The following BLM variants were observed in gnomAD, a reference collection of about 807,000 sequenced individuals.
BLM encodes the protein recQ-like DNA helicase BLM.
A neutral mutation model predicts 135.3 loss-of-function variants in BLM; 95 were observed. That is an observed-to-expected ratio of 0.70 (90% CI 0.59 to 0.83). The LOEUF (loss-of-function observed/expected upper bound fraction) is 0.83, where lower values mean the gene tolerates loss of function less well. Among genes scored for constraint, BLM ranks in the 40% least tolerant of loss-of-function variants. The probability of loss-of-function intolerance (pLI) is 0.00; values close to 1 mark genes in which losing one functional copy is unlikely to be tolerated. For missense variants in BLM, 1,518 were observed against 1,663.9 expected (o/e 0.91, Z 1.53); for synonymous variants, 520 against 589.2 (o/e 0.88, Z 1.70).
intron 18 of BLM, 42 bp from the exon 19 acceptor site, chr15:90,804,125 G>A (rs780903418): frequency 6.4e-7 from 1 of 1,561,144 alleles, no homozygotes; most frequent in South Asian, 1.1e-5. Context: ...GGGTACAAGT[G>A]CACATATACC....
chr15:90,756,514 C>T (rs528568047), intron 5 of BLM, among the ~76,000 whole-genome samples: 1 of 152,320 alleles, frequency 6.6e-6, no homozygotes, highest in Non-Finnish European at 1.5e-5. Flanking sequence ...AGGATCTGAA[C>T]ACAGCAGTCT....
rs564509750 is a variant in BLM at position 90,731,778 on chromosome 15, A to G, written c.-5+14338A>G. On this transcript the variant is annotated intron_variant, in intron 1 of 21. Transcript: ENST00000355112. ...CAAACTTGGTTTATTGATCCTCTCT[A>G]TTATATATCTATTATTTTTTACTCT... Among the ~76,000 whole-genome samples, 21 of 151,936 alleles carry G rather than the reference A, an allele frequency of 1.4e-4. No individual in the cohort carries two copies. In the East Asian group the frequency reaches 4.0e-3, roughly 29 times the overall value.
intron 21 of BLM, among the ~76,000 whole-genome samples, chr15:90,813,695 G>A (rs1031238093): frequency 2.6e-5 from 4 of 152,282 alleles, no homozygotes; most frequent in African/African-American, 9.6e-5. Context: ...GCCAAGATGG[G>A]ATTCTTTTTT....
chr15:90,793,265 G>C (rs567117427), intron 15 of BLM, among the ~76,000 whole-genome samples: 1 of 151,562 alleles, frequency 6.6e-6, no homozygotes, highest in South Asian at 2.1e-4. Context: ...CTCCCGACTA[G>C]CAGGGATTAC....
chr15:90,790,966 T>A (rs1896893452), intron 15 of BLM, 122 bp downstream of exon 15: 13 of 957,358 alleles, frequency 1.4e-5, no homozygotes, highest in Non-Finnish European at 1.7e-5. Flanking sequence ...AATAGAGGAG[T>A]TTATACAGAT....
intron 1 of BLM, among the ~76,000 whole-genome samples, chr15:90,745,178 G>C (rs1430156110): frequency 1.3e-5 from 2 of 152,142 alleles, no homozygotes; most frequent in Non-Finnish European, 2.9e-5. Context: ...ATAAGGTTAA[G>C]TCATAAGGAC....
At chr15:90,738,131 C>A (rs762981177) in intron 1 of BLM, among the ~76,000 whole-genome samples, 1 of 151,746 alleles carries the variant, frequency 6.6e-6, no homozygotes, top group African/African-American at 2.4e-5. Flanking sequence ...CTGAACAGAC[C>A]TATAACTAGT....
chr15:90,757,777 A>G (rs1211503602), intron 5 of BLM, among the ~76,000 whole-genome samples: 1 of 152,018 alleles, frequency 6.6e-6, no homozygotes, highest in Non-Finnish European at 1.5e-5. Flanking sequence ...GAGGATATGT[A>G]CTGTTTCCCC....
intron 21 of BLM, among the ~76,000 whole-genome samples, chr15:90,812,542 G>A (rs1897449089): frequency 6.6e-6 from 1 of 152,192 alleles, no homozygotes; most frequent in African/African-American, 2.4e-5. Flanking sequence ...TGGCTAGTAG[G>A]TTAGGCCTGG....
At chr15:90,776,104 G>A (rs1471960232) in intron 12 of BLM, among the ~76,000 whole-genome samples, 1 of 152,190 alleles carries the variant, frequency 6.6e-6, no homozygotes, top group African/African-American at 2.4e-5. Context: ...GATGGGAATG[G>A]AAGGCATTTT....
At chr15:90,790,386 A>G in intron 14 of BLM, 1 of 478,366 alleles carries the variant, frequency 2.1e-6, no homozygotes, top group Non-Finnish European at 3.8e-6. Context: ...GCTCTCTTAC[A>G]TGAGAATGCC....
In BLM at chr15:90,729,833, G is replaced by GATTTTT. The variant is rs758213535; in HGVS notation, c.-5+12418_-5+12423dup. Reference sequence around the variant, plus strand: ...TATTTTGCCTCCTGCATTCACTTAAGATTTTTATTTTTATTTTTATTTTTA... The same window carrying GATTTTT: ...TATTTTGCCTCCTGCATTCACTTAAGATTTTTATTTTTATTTTTATTTTTATTTTTA... On this transcript the variant is annotated intron_variant, in intron 1 of 21. Coordinates refer to ENST00000355112, the MANE Select transcript of BLM (RefSeq NM_000057.4). 1.2e-3 allele frequency among the ~76,000 whole-genome samples: 184 copies of GATTTTT among 152,100 alleles called. 1 individual carries two copies. The highest frequency in any genetic ancestry group is 2.1e-3 in the Non-Finnish European group (145 of 67,962).
At chr15:90,791,172 A>G (rs1182795482) in intron 15 of BLM, among the ~76,000 whole-genome samples, 2 of 152,166 alleles carry the variant, frequency 1.3e-5, no homozygotes, top group Non-Finnish European at 2.9e-5. Flanking sequence ...TGCATGTAAC[A>G]CATATTTCAA....
intron 1 of BLM, among the ~76,000 whole-genome samples, chr15:90,729,942 T>C (rs1596200565): frequency 6.6e-6 from 1 of 151,994 alleles, no homozygotes; most frequent in South Asian, 2.1e-4. Flanking sequence ...GCCTCCCGGG[T>C]TCAAGCGATT....
rs796355262 is a variant in BLM at position 90,719,063 on chromosome 15, C to T, written c.-5+1623C>T. Among the ~76,000 whole-genome samples, 45 of 152,226 alleles carry T rather than the reference C, an allele frequency of 3.0e-4. 1 individual carries two copies. The highest frequency in any genetic ancestry group is 3.6e-4 in the African/African-American group (15 of 41,570). Reference sequence around the variant, plus strand: ...CTGGAGTGCAGTGGCGCGATCTTGGCTCACTGCAAGCTCCGCCTCCCGGGT... The same window carrying T: ...CTGGAGTGCAGTGGCGCGATCTTGGTTCACTGCAAGCTCCGCCTCCCGGGT... On this transcript the variant is annotated intron_variant, in intron 1 of 21. Coordinates refer to ENST00000355112, the MANE Select transcript of BLM (RefSeq NM_000057.4).
At position 90,769,438 on chromosome 15, in the gene BLM, T is replaced by C. The variant is rs148394770; in HGVS notation, c.2407T>C (p.Trp803Arg). ...VIDEAHCVSQ[W>R]GHDFRQDYKR... ...AAGCAGTATTTTTTTTTCCAACTAG[T>C]GGGGACATGATTTTCGTCAAGATTA... The change falls in exon 12 of 22, where the codon TGG becomes CGG. Residue 803 changes from tryptophan (W) to arginine (R), a missense_variant and splice_region_variant. Physicochemically the swap from Trp to Arg is moderately radical, Grantham distance 101 (BLOSUM62 -3). This residue lies in a region of BLM where 626 missense variants were observed against 681.1 expected (regional missense o/e 0.92). Transcript: ENST00000355112. 3 of 1,613,876 alleles carry C rather than the reference T, an allele frequency of 1.9e-6. No homozygotes were observed. In the African/African-American group the frequency reaches 4.0e-5, roughly 22 times the overall value.
At chr15:90,803,812 G>C (rs906145390) in intron 18 of BLM, 92 bp downstream of exon 18, 1 of 1,282,128 alleles carries the variant, frequency 7.8e-7, no homozygotes, top group African/African-American at 1.5e-5. Flanking sequence ...CAAGCTTATA[G>C]ATACTGAATT....
chr15:90,768,952 C>G (rs1215242515), intron 10 of BLM, among the ~76,000 whole-genome samples, 181 bp from the exon 11 acceptor site: 1 of 152,286 alleles, frequency 6.6e-6, no homozygotes, highest in East Asian at 1.9e-4. Flanking sequence ...TCACAAACTC[C>G]CGACCTCGGA....
At chr15:90,748,066 A>G (rs1300909520) in intron 2 of BLM, among the ~76,000 whole-genome samples, 2 of 149,856 alleles carry the variant, frequency 1.3e-5, no homozygotes, top group Admixed American at 6.6e-5. Context: ...TCGGCCTCCC[A>G]AAGTGCTGGG....
Sources: gnomAD v4.1 joint callset for allele counts (sites outside exome capture counted in the v4.1 genomes callset) on GRCh38, gnomAD v4.1.1 for gene constraint, gnomAD v4.1.1 regional missense constraint, MANE v1.5 for transcripts, NCBI Gene and HGNC (gene_info 2026-07-23, HGNC 2026-07-21) for gene names.